Variants in TMOD3 observed in about 807,000 individuals in gnomAD.
The protein encoded by TMOD3 is tropomodulin-3.
In TMOD3, 20 loss-of-function variants were observed where a neutral mutation model predicts 39.2. The ratio of observed to expected loss-of-function variants is 0.51; its 90% CI spans 0.36 to 0.74. The LOEUF (loss-of-function observed/expected upper bound fraction) is 0.74, where lower values mean the gene tolerates loss of function less well. Among genes scored for constraint, TMOD3 ranks in the 30% least tolerant of loss-of-function variants. The probability of loss-of-function intolerance (pLI) is 0.00; values close to 1 mark genes in which losing one functional copy is unlikely to be tolerated. For missense variants in TMOD3, 381 were observed against 412.8 expected, an observed-to-expected ratio of 0.92 and a Z score of 0.67; for synonymous variants, 143 against 145.8, an observed-to-expected ratio of 0.98 and a Z score of 0.14.
intron 6 of TMOD3, 99 bp downstream of exon 6, chr15:51,894,044 T>A: frequency 8.7e-7 from 1 of 1,154,198 alleles, no homozygotes. Context: ...CTTTCTACTT[T>A]AACGTAAAGT....
intron 1 of TMOD3, among the ~76,000 whole-genome samples, chr15:51,836,386 T>C (rs1428521904): frequency 6.6e-6 from 1 of 152,184 alleles, no homozygotes; most frequent in Non-Finnish European, 1.5e-5. Flanking sequence ...ACATCTCATA[T>C]AAATGGAATC....
chr15:51,870,746 T>C (rs1016561334), intron 3 of TMOD3, among the ~76,000 whole-genome samples: 9 of 152,294 alleles, frequency 5.9e-5, no homozygotes, highest in Middle Eastern at 3.4e-3. Context: ...AGGATCACTA[T>C]CTTTGTTATT....
chr15:51,874,650 T>C (rs2056492462), intron 3 of TMOD3, among the ~76,000 whole-genome samples: 1 of 152,262 alleles, frequency 6.6e-6, no homozygotes. Context: ...GAAGAAATAC[T>C]GTGTCCCAGT....
In TMOD3 at chr15:51,911,124, C is replaced by G. The variant is rs1031314311; in HGVS notation, c.*2314C>G. ...AGAAAGAATTGGTCACCTAGACTTT[C>G]AGTCAGGCATCCTCGTTTGCATTGT... is the stretch of plus-strand genomic sequence containing the variant. On this transcript the variant is annotated 3_prime_UTR_variant, in exon 10 of 10. Coordinates refer to ENST00000308580, the MANE Select transcript of TMOD3 (RefSeq NM_014547.5). 15 of 152,196 alleles carry G rather than the reference C, an allele frequency of 9.9e-5. No homozygotes were observed. The highest frequency in any genetic ancestry group is 3.6e-4 in the African/African-American group (15 of 41,438). 9.4% of individuals were successfully genotyped at this position (152,196 alleles called of 1,614,324 possible).
At chr15:51,856,361 T>G (rs1034551405) in intron 1 of TMOD3, among the ~76,000 whole-genome samples, 4 of 152,240 alleles carry the variant, frequency 2.6e-5, no homozygotes, top group Admixed American at 2.0e-4. Flanking sequence ...GAATTGAAAC[T>G]TTGAACTTTG....
chr15:51,909,059 G>A lies in TMOD3; in HGVS notation c.*249G>A. 6.0e-6 allele frequency: 2 copies of A among 332,384 alleles called. No homozygotes were observed. The highest frequency in any genetic ancestry group is 4.8e-5 in the East Asian group (1 of 20,826). The allele number at this position is 332,384 out of a possible 1,614,324, so 20.6% of individuals were successfully genotyped here. A position where few individuals can be genotyped will look rare whatever the true frequency, so the allele number is the denominator to read the frequency against. On this transcript the variant is annotated 3_prime_UTR_variant, in exon 10 of 10. Coordinates refer to ENST00000308580, the MANE Select transcript of TMOD3 (RefSeq NM_014547.5). ...ATTGAATGATTTATGATGAATCTTG[G>A]GCAAAAAAATACAACTGTAAAAAAT...
At chr15:51,852,477 G>A (rs2056367291) in intron 1 of TMOD3, among the ~76,000 whole-genome samples, 1 of 152,128 alleles carries the variant, frequency 6.6e-6, no homozygotes, top group African/African-American at 2.4e-5. Flanking sequence ...TGACTGATGA[G>A]CAGATTTTTT....
intron 3 of TMOD3, among the ~76,000 whole-genome samples, chr15:51,874,083 C>T (rs896950676): frequency 1.3e-5 from 2 of 152,208 alleles, no homozygotes; most frequent in Non-Finnish European, 2.9e-5. Context: ...TTACACATAA[C>T]TGGCCAGGAC....
At chr15:51,893,428 G>C (rs1019268023) in intron 5 of TMOD3, among the ~76,000 whole-genome samples, 3 of 151,596 alleles carry the variant, frequency 2.0e-5, no homozygotes, top group African/African-American at 7.3e-5. Context: ...ATGAGAGAGA[G>C]AGAAAGAGAT....
At chr15:51,846,973 T>C (rs899980225) in intron 1 of TMOD3, among the ~76,000 whole-genome samples, 23 of 151,826 alleles carry the variant, frequency 1.5e-4, no homozygotes, top group Admixed American at 6.6e-5. Context: ...ATGCACAGAG[T>C]GGGTTCCTCT....
At chr15:51,843,536 A>G (rs370959451) in intron 1 of TMOD3, among the ~76,000 whole-genome samples, 1 of 152,198 alleles carries the variant, frequency 6.6e-6, no homozygotes, top group East Asian at 1.9e-4. Context: ...ACAGGAGCTT[A>G]GAGTCAGTTT....
chr15:51,884,355 C>CTA (rs2056549249), intron 3 of TMOD3, among the ~76,000 whole-genome samples: 1 of 152,206 alleles, frequency 6.6e-6, no homozygotes, highest in Non-Finnish European at 1.5e-5. Flanking sequence ...TGCAGAATGT[C>CTA]TAAGTGTAGC....
intron 1 of TMOD3, chr15:51,859,295 A>G (rs1473553342): frequency 2.7e-6 from 2 of 733,416 alleles, no homozygotes; most frequent in South Asian, 1.3e-5. Flanking sequence ...TTTCAGGTCT[A>G]CCAAGGGGGT....
intron 9 of TMOD3, among the ~76,000 whole-genome samples, chr15:51,904,230 G>C (rs565574347): frequency 5.3e-5 from 8 of 152,134 alleles, no homozygotes; most frequent in Non-Finnish European, 1.0e-4. Flanking sequence ...CACAGCATTT[G>C]TCCCATTTTT....
chr15:51,890,337 AT>A (rs34989450), intron 5 of TMOD3, among the ~76,000 whole-genome samples: 175 of 128,214 alleles, frequency 1.4e-3, no homozygotes, highest in Admixed American at 1.5e-3. Context: ...TGTCCAGCTA[AT>A]TTTTTTTTTT....
chr15:51,857,709 T>C (rs1355812732), intron 1 of TMOD3, among the ~76,000 whole-genome samples: 1 of 152,116 alleles, frequency 6.6e-6, no homozygotes, highest in African/African-American at 2.4e-5. Flanking sequence ...TACTGAAAAT[T>C]TCAAAAATGT....
chr15:51,841,156 G>T (rs2056310975), intron 1 of TMOD3, among the ~76,000 whole-genome samples: 2 of 152,284 alleles, frequency 1.3e-5, no homozygotes, highest in South Asian at 4.2e-4. Flanking sequence ...AGATGTGTAT[G>T]ATAAAGTGCC....
chr15:51,870,588 G>A (rs1431191010), intron 3 of TMOD3, among the ~76,000 whole-genome samples: 1 of 152,178 alleles, frequency 6.6e-6, no homozygotes, highest in Non-Finnish European at 1.5e-5. Flanking sequence ...GTTCATTTTA[G>A]CACTCCAGCT....
intron 2 of TMOD3, among the ~76,000 whole-genome samples, chr15:51,867,302 AGTAGGACTTGCAGGTCAATTGGAAATG>A: frequency 6.6e-6 from 1 of 152,362 alleles, no homozygotes; most frequent in Admixed American, 6.5e-5. Flanking sequence ...AGTAAAAATG[AGTAGGACTTGCAGGTCAATTGGAAATG>A]GATTCTTCAT....
Sources: allele counts gnomAD v4.1 joint callset (sites outside exome capture counted in the v4.1 genomes callset), GRCh38; gene constraint gnomAD v4.1.1; transcripts MANE v1.5; gene names NCBI Gene and HGNC (gene_info 2026-07-23, HGNC 2026-07-21).